The following DGKD variants were observed in gnomAD, a reference collection of about 807,000 sequenced individuals.
The protein encoded by DGKD is diacylglycerol kinase delta, also known as DAG kinase delta.
DGKD carries 68 observed loss-of-function variants against 154.4 expected under a neutral mutation model. That is an observed-to-expected ratio of 0.44 (90% CI 0.36 to 0.54). The LOEUF (loss-of-function observed/expected upper bound fraction) is 0.54. Ranked by LOEUF, DGKD falls within the 20% of genes least tolerant of loss-of-function variation. The pLI is 0.00. For synonymous variants in DGKD, 693 were observed against 638.0 expected, an observed-to-expected ratio of 1.09 and a Z score of -1.30; for missense variants, 1,343 against 1,593.6, an observed-to-expected ratio of 0.84 and a Z score of 2.68.
chr2:233,363,614 C>T (rs1307175779), intron 1 of DGKD, among the ~76,000 whole-genome samples: 1 of 152,212 alleles, frequency 6.6e-6, no homozygotes, highest in Non-Finnish European at 1.5e-5. Flanking sequence ...CCATCACATT[C>T]ACTCACCAGT....
At chr2:233,395,771 C>T (rs760024986) in intron 3 of DGKD, among the ~76,000 whole-genome samples, 2 of 150,962 alleles carry the variant, frequency 1.3e-5, no homozygotes, top group African/African-American at 2.4e-5. Flanking sequence ...CAGGCTCAAG[C>T]GATCCACCGG....
Position 233,467,192 on chromosome 2 carries a change from T to C in DGKD, c.3413T>C (p.Leu1138Pro). 2 of 1,613,578 alleles carry C rather than the reference T, an allele frequency of 1.2e-6. No homozygotes were observed. The highest frequency in any genetic ancestry group is 1.7e-6 in the Non-Finnish European group (2 of 1,179,628). The change falls in exon 28 of 30, where the codon CTG becomes CCG. Residue 1138 changes from leucine (L) to proline (P), a missense_variant. Leu to Pro is a moderately conservative substitution (Grantham distance 98, BLOSUM62 -3). Around this residue, in one of 6 missense-constraint regions of DGKD, gnomAD observed 429 missense variants for 496.3 expected, o/e 0.86. Transcript: ENST00000264057. The stretch of plus-strand genomic sequence containing the variant: ...AAGAACAAAGAAGCTCACAGTAGCC[T>C]GGGAGCCCCGGGTACCTGCCTCTCT... ...NNKNKEAHSS[L>P]GAPVHLWGTE...
At chr2:233,451,157 G>T in intron 17 of DGKD, 107 bp downstream of exon 17, 15 of 1,006,490 alleles carry the variant, frequency 1.5e-5, no homozygotes, top group East Asian at 3.7e-5. Context: ...ACAGGCCCCT[G>T]AGAAAGATAG....
Position 233,470,163 on chromosome 2 carries a change from C to A in DGKD, c.*703C>A, listed in dbSNP as rs1370500380. 6.6e-6 allele frequency: 1 copy of A among 152,586 alleles called. No homozygotes were observed. Among genetic ancestry groups the A allele is most frequent in the African/African-American group, 2.4e-5 (1 of 41,456 alleles). 9.5% of individuals were successfully genotyped at this position (152,586 alleles called of 1,614,324 possible). A position where few individuals can be genotyped will look rare whatever the true frequency, so the allele number is the denominator to read the frequency against. The stretch of plus-strand genomic sequence containing the variant: ...CCCTCCTCCATCCTCTCTCCTCCCG[C>A]TCCTCCCTCCCCCCACTGTGGGCTG... On this transcript the variant is annotated 3_prime_UTR_variant, in exon 30 of 30. Transcript: ENST00000264057.
At position 233,354,698 on chromosome 2, in the gene DGKD, G is replaced by C. The variant is rs1701454996; in HGVS notation, c.156+24G>C. 1.0e-6 allele frequency: 1 copy of C among 982,104 alleles called. No individual in the cohort carries two copies. 60.8% of individuals were successfully genotyped at this position (982,104 alleles called of 1,614,324 possible). Reference sequence around the variant, plus strand: ...AGGTGAGCCCGCGGCGCGGCGGCCCGGGCGCGCGCCCCTCACGCCGCGGCA... The same window carrying C: ...AGGTGAGCCCGCGGCGCGGCGGCCCCGGCGCGCGCCCCTCACGCCGCGGCA... On this transcript the variant is annotated intron_variant, in intron 1 of 29. Coordinates refer to ENST00000264057, the MANE Select transcript of DGKD (RefSeq NM_152879.3). The surrounding 1 kb of genome is among the most constrained non-coding windows in gnomAD (Gnocchi z 4.8).
At chr2:233,364,124 C>T (rs910662375) in intron 1 of DGKD, among the ~76,000 whole-genome samples, 6 of 152,118 alleles carry the variant, frequency 3.9e-5, no homozygotes, top group Admixed American at 3.3e-4. Flanking sequence ...AGAATGACAG[C>T]TGTGTTCTTA....
At chr2:233,389,735 A>T (rs1272731227) in intron 2 of DGKD, among the ~76,000 whole-genome samples, 1 of 152,180 alleles carries the variant, frequency 6.6e-6, no homozygotes, top group African/African-American at 2.4e-5. Context: ...GGATGGTATA[A>T]GGGAAACAGG....
intron 3 of DGKD, among the ~76,000 whole-genome samples, chr2:233,427,976 G>A (rs1285262225): frequency 6.6e-6 from 1 of 152,178 alleles, no homozygotes; most frequent in African/African-American, 2.4e-5. Context: ...TTCTCGCCTG[G>A]GTCCTTCCTA....
At chr2:233,400,566 C>G (rs1271259354) in intron 3 of DGKD, among the ~76,000 whole-genome samples, 3 of 152,232 alleles carry the variant, frequency 2.0e-5, no homozygotes, top group Non-Finnish European at 4.4e-5. Context: ...CCTTCCGTGC[C>G]CCCTACCTTG....
chr2:233,463,300 C>T (rs1345030667), intron 26 of DGKD, among the ~76,000 whole-genome samples: 2 of 151,608 alleles, frequency 1.3e-5, no homozygotes, highest in African/African-American at 2.4e-5. Context: ...CACGCATCAC[C>T]TCACTCCACA....
In DGKD at chr2:233,354,562, C is replaced by T. The variant is rs776523076; in HGVS notation, c.44C>T (p.Pro15Leu). ...GCCCCTCCGCCGGGTCCCCCGCAAC[C>T]GCCTCCGCCGCCGCCGCCCGAGGAG... The part of the protein sequence containing the change: ...AGAPPPGPPQ[P>L]PPPPPPEESS... Residue 15 changes from proline (P) to leucine (L), a missense_variant, in exon 1 of 30, where the codon CCG becomes CTG. Coordinates refer to ENST00000264057, the MANE Select transcript of DGKD (RefSeq NM_152879.3). The surrounding 1 kb of genome is among the most constrained non-coding windows in gnomAD (Gnocchi z 4.8). 8.5e-6 allele frequency: 9 copies of T among 1,055,254 alleles called. No individual in the cohort carries two copies. In the South Asian group the frequency reaches 1.6e-4, roughly 18 times the overall value. The allele number at this position is 1,055,254 out of a possible 1,614,324, so 65.4% of individuals were successfully genotyped here. A position where few individuals can be genotyped will look rare whatever the true frequency, so the allele number is the denominator to read the frequency against.
chr2:233,444,979 T>A (rs2063019552), intron 10 of DGKD, among the ~76,000 whole-genome samples: 1 of 151,968 alleles, frequency 6.6e-6, no homozygotes, highest in Non-Finnish European at 1.5e-5. Context: ...AATGGTGTAG[T>A]GGGATCTCAT....
At chr2:233,423,000 A>G (rs2062169505) in intron 3 of DGKD, among the ~76,000 whole-genome samples, 1 of 152,176 alleles carries the variant, frequency 6.6e-6, no homozygotes. Flanking sequence ...TGTGATATAA[A>G]TGGAATCTTA....
intron 3 of DGKD, among the ~76,000 whole-genome samples, chr2:233,408,205 G>T (rs2061734006): frequency 6.6e-6 from 1 of 152,024 alleles, no homozygotes; most frequent in Admixed American, 6.6e-5. Flanking sequence ...ACTACACCTG[G>T]CAAACTTTGT....
chr2:233,378,796 G>A (rs975704969), intron 1 of DGKD, among the ~76,000 whole-genome samples: 15 of 152,180 alleles, frequency 9.9e-5, no homozygotes, highest in African/African-American at 3.1e-4. Context: ...CTGGCGAGGT[G>A]TAGTGGCTTA....
chr2:233,361,503 A>T (rs1026053973), intron 1 of DGKD, among the ~76,000 whole-genome samples: 4 of 152,244 alleles, frequency 2.6e-5, no homozygotes, highest in African/African-American at 9.6e-5. Flanking sequence ...AGCTAAAACC[A>T]GTCGAAACTA....
At position 233,356,386 on chromosome 2, in the gene DGKD, G is replaced by A. The variant is rs892357492; in HGVS notation, c.156+1712G>A. ...GCCACAGAGGATTGTTCAAAGTATG[G>A]GGGTGATGGATCAGATGTGCTTTTG... On this transcript the variant is annotated intron_variant, in intron 1 of 29. Coordinates refer to ENST00000264057, the MANE Select transcript of DGKD (RefSeq NM_152879.3). 7.2e-5 allele frequency among the ~76,000 whole-genome samples: 11 copies of A among 152,268 alleles called. No individual in the cohort carries two copies. The East Asian group carries it at 2.1e-3, about 29-fold the overall frequency.
At chr2:233,369,202 T>C (rs76457141) in intron 1 of DGKD, among the ~76,000 whole-genome samples, 2,088 of 152,314 alleles carry the variant, frequency 0.014, 45 homozygotes, top group African/African-American at 0.047. Context: ...TACCACTCTG[T>C]CCATCTCAGT....
chr2:233,397,930 G>T (rs1271632604), intron 3 of DGKD, among the ~76,000 whole-genome samples: 2 of 151,962 alleles, frequency 1.3e-5, no homozygotes, highest in Non-Finnish European at 2.9e-5. Flanking sequence ...GAGGGGCTGT[G>T]GGGTGGTGGG....
Sources: gnomAD v4.1 joint callset for allele counts (sites outside exome capture counted in the v4.1 genomes callset) on GRCh38, gnomAD v4.1.1 for gene constraint, gnomAD v4.1.1 regional missense constraint, Gnocchi (gnomAD v3.1) non-coding constraint, MANE v1.5 for transcripts, NCBI Gene and HGNC (gene_info 2026-07-23, HGNC 2026-07-21) for gene names.